EHBP1: variants seen among roughly 807,000 people sequenced by gnomAD.
EHBP1 encodes EH domain binding protein 1, also known as EH domain-binding protein 1.
A neutral mutation model predicts 144.0 loss-of-function variants in EHBP1; 55 were observed. The observed-to-expected ratio is 0.38, with a 90% CI of 0.31 to 0.48. EHBP1 has a LOEUF of 0.48. Ranked by LOEUF, EHBP1 falls within the 20% of genes least tolerant of loss-of-function variation. The pLI, the probability that EHBP1 is intolerant of heterozygous loss-of-function variation, is 0.98. For missense variants in EHBP1, 1,200 were observed against 1,364.2 expected, an observed-to-expected ratio of 0.88 and a Z score of 1.90; for synonymous variants, 469 against 472.7, an observed-to-expected ratio of 0.99 and a Z score of 0.10.
chr2:63,029,799 T>C (rs1347221178), intron 19 of EHBP1, among the ~76,000 whole-genome samples: 2 of 152,182 alleles, frequency 1.3e-5, no homozygotes, highest in African/African-American at 4.8e-5. Context: ...TGGCGCAGTC[T>C]CAGCTCACAA....
At chr2:62,674,564 A>T (rs933938695) in intron 1 of EHBP1, among the ~76,000 whole-genome samples, 3 of 152,332 alleles carry the variant, frequency 2.0e-5, no homozygotes, top group Admixed American at 2.0e-4. Context: ...CTACAGTAGG[A>T]TAGTGATGCC....
At chr2:62,713,283 C>T (rs1383317668) in intron 2 of EHBP1, among the ~76,000 whole-genome samples, 2 of 148,552 alleles carry the variant, frequency 1.3e-5, no homozygotes, top group South Asian at 4.3e-4. Flanking sequence ...GACAGAGTCA[C>T]ACTCTGTTGC....
intron 1 of EHBP1, among the ~76,000 whole-genome samples, chr2:62,698,268 T>G (rs2034168717): frequency 6.6e-6 from 1 of 152,244 alleles, no homozygotes; most frequent in African/African-American, 2.4e-5. Flanking sequence ...TAGCATGTGT[T>G]ATGTGAAGAA....
chr2:62,870,951 A>C (rs1387637969), intron 9 of EHBP1, among the ~76,000 whole-genome samples: 5 of 152,040 alleles, frequency 3.3e-5, no homozygotes, highest in Non-Finnish European at 5.9e-5. Flanking sequence ...GTTACATCAT[A>C]ATAATCATCT....
At chr2:62,808,335 T>G (rs769054775) in intron 5 of EHBP1, among the ~76,000 whole-genome samples, 3 of 152,000 alleles carry the variant, frequency 2.0e-5, no homozygotes, top group Admixed American at 6.5e-5. Flanking sequence ...TTCTCTTTGC[T>G]TTTCATCTTT....
chr2:62,768,265 GCTGCT>G (rs2041354865), intron 4 of EHBP1, among the ~76,000 whole-genome samples: 1 of 152,020 alleles, frequency 6.6e-6, no homozygotes, highest in East Asian at 1.9e-4. Context: ...AGATTGATAA[GCTGCT>G]AGCTAGACTA....
chr2:62,751,324 G>A (rs2039696087), intron 3 of EHBP1, among the ~76,000 whole-genome samples: 1 of 152,182 alleles, frequency 6.6e-6, no homozygotes, highest in Non-Finnish European at 1.5e-5. Context: ...TTGCATTCCA[G>A]GGATGAAGCC....
chr2:62,818,408 T>G (rs1219912074), intron 5 of EHBP1, among the ~76,000 whole-genome samples: 1 of 152,078 alleles, frequency 6.6e-6, no homozygotes, highest in Non-Finnish European at 1.5e-5. Context: ...TTGCCTAAAG[T>G]ATTCAGTACA....
chr2:62,683,456 G>C (rs1026726612), intron 1 of EHBP1, among the ~76,000 whole-genome samples: 1 of 151,898 alleles, frequency 6.6e-6, no homozygotes, highest in African/African-American at 2.4e-5. Context: ...TCAGGAGATC[G>C]AGACCATCCT....
At chr2:62,837,623 CAAAAT>C (rs1479241787) in intron 7 of EHBP1, among the ~76,000 whole-genome samples, 2 of 146,766 alleles carry the variant, frequency 1.4e-5, no homozygotes, top group Admixed American at 1.4e-4. Context: ...CACATAGGCT[CAAAAT>C]AAAAGGATGG....
At chr2:62,996,552 T>G (rs2059634437) in intron 18 of EHBP1, 91 bp from the exon 19 acceptor site, 7 of 1,532,566 alleles carry the variant, frequency 4.6e-6, no homozygotes, top group Admixed American at 1.8e-5. Context: ...TATTTGGTTC[T>G]CTAGGTAAGT....
At chr2:62,926,668 C>T (rs751259379) in intron 10 of EHBP1, among the ~76,000 whole-genome samples, 2 of 151,578 alleles carry the variant, frequency 1.3e-5, no homozygotes, top group African/African-American at 4.8e-5. Flanking sequence ...ATCAAAAAGA[C>T]AAAAACAACA....
At chr2:62,945,401 T>C (rs1195304209) in intron 12 of EHBP1, among the ~76,000 whole-genome samples, 1 of 152,198 alleles carries the variant, frequency 6.6e-6, no homozygotes, top group African/African-American at 2.4e-5. Flanking sequence ...TTTAACATAC[T>C]TTAAATTAAA....
At chr2:63,034,615 C>T (rs1338314892) in intron 19 of EHBP1, among the ~76,000 whole-genome samples, 1 of 151,766 alleles carries the variant, frequency 6.6e-6, no homozygotes. Context: ...CAGAATACAA[C>T]CTCTTTTTCT....
intron 13 of EHBP1, among the ~76,000 whole-genome samples, chr2:62,950,532 G>A (rs1230134150): frequency 6.6e-6 from 1 of 151,818 alleles, no homozygotes; most frequent in African/African-American, 2.4e-5. Context: ...ACTTCTAAAT[G>A]AAAAAAATAT....
At chr2:63,038,886 C>A in intron 21 of EHBP1, 70 bp downstream of exon 21, 1 of 1,420,380 alleles carries the variant, frequency 7.0e-7, no homozygotes, top group Non-Finnish European at 9.9e-7. Context: ...GAATATAATA[C>A]ACTTCTGGTC....
chr2:62,741,961 A>G (rs1402519188), intron 2 of EHBP1, among the ~76,000 whole-genome samples: 2 of 152,194 alleles, frequency 1.3e-5, no homozygotes, highest in Non-Finnish European at 2.9e-5. Flanking sequence ...AGGTGGTCCC[A>G]TGAGATTATA....
chr2:62,721,639 G>A (rs1425202848), intron 2 of EHBP1, among the ~76,000 whole-genome samples: 1 of 152,142 alleles, frequency 6.6e-6, no homozygotes, highest in African/African-American at 2.4e-5. Flanking sequence ...TTCATCAGTA[G>A]ATTTTGCTTG....
intron 4 of EHBP1, among the ~76,000 whole-genome samples, chr2:62,768,591 A>C (rs928853676): frequency 6.6e-6 from 1 of 152,204 alleles, no homozygotes; most frequent in Non-Finnish European, 1.5e-5. Flanking sequence ...CAGATATACA[A>C]AGAATAGCTG....
Sources: allele counts gnomAD v4.1 joint callset (sites outside exome capture counted in the v4.1 genomes callset), GRCh38; gene constraint gnomAD v4.1.1; transcripts MANE v1.5; gene names NCBI Gene and HGNC (gene_info 2026-07-23, HGNC 2026-07-21).